Variants in COL10A1 observed in about 807,000 individuals in gnomAD.
COL10A1 encodes the protein collagen type X alpha 1 chain, also known as collagen alpha-1(X) chain.
In COL10A1, 10 loss-of-function variants were observed where a neutral mutation model predicts 18.2. The ratio of observed to expected loss-of-function variants is 0.55; its 90% CI spans 0.34 to 0.93. The LOEUF (loss-of-function observed/expected upper bound fraction) is 0.93, where lower values mean the gene tolerates loss of function less well. COL10A1 is among the 40% of genes least tolerant of loss of function. The pLI, the probability that COL10A1 is intolerant of heterozygous loss-of-function variation, is 0.02. For missense variants in COL10A1, 897 were observed against 853.5 expected, an observed-to-expected ratio of 1.05 and a Z score of -0.64; for synonymous variants, 330 against 316.6, an observed-to-expected ratio of 1.04 and a Z score of -0.45.
chr6:116,125,242 A>G, intron 2 of COL10A1, 97 bp downstream of exon 2: 1 of 1,402,428 alleles, frequency 7.1e-7, no homozygotes, highest in South Asian at 1.3e-5. Flanking sequence ...GTTGGAAAGT[A>G]ACACCAAAGT....
intron 1 of COL10A1, among the ~76,000 whole-genome samples, chr6:116,139,376 G>A (rs759234986): frequency 1.3e-5 from 2 of 152,084 alleles, no homozygotes; most frequent in Non-Finnish European, 2.9e-5. Flanking sequence ...GAATAATACA[G>A]TCTAAAGCTG....
chr6:116,147,606 A>G (rs1241905341), intron 1 of COL10A1, among the ~76,000 whole-genome samples: 1 of 152,230 alleles, frequency 6.6e-6, no homozygotes, highest in Non-Finnish European at 1.5e-5. Context: ...AAAGAATTAT[A>G]AATGGCCTTA....
At chr6:116,180,228 A>G in the COL10A1 span, among the ~76,000 whole-genome samples, 1 of 152,072 alleles carries the variant, frequency 6.6e-6, no homozygotes, top group Admixed American at 6.6e-5. Context: ...GTTGTGTCTC[A>G]TTTTTCAACG....
the COL10A1 span, among the ~76,000 whole-genome samples, chr6:116,208,062 G>A: frequency 8.5e-5 from 13 of 152,058 alleles, no homozygotes; most frequent in African/African-American, 3.1e-4. Context: ...GAGCACTTCA[G>A]TCCTCAGTGT....
intron 2 of COL10A1, among the ~76,000 whole-genome samples, chr6:116,124,109 A>G (rs370965799): frequency 1.5e-4 from 23 of 152,212 alleles, no homozygotes; most frequent in African/African-American, 5.3e-4. Context: ...TATCTGTTGT[A>G]TACCTGTGCA....
chr6:116,130,791 A>G (rs1428135731), upstream of COL10A1, among the ~76,000 whole-genome samples: 1 of 152,074 alleles, frequency 6.6e-6, no homozygotes, highest in African/African-American at 2.4e-5. Flanking sequence ...CCTAGTACTC[A>G]TGCCAGTAAT....
chr6:116,182,487 G>C, the COL10A1 span, among the ~76,000 whole-genome samples: 2 of 152,098 alleles, frequency 1.3e-5, no homozygotes, highest in South Asian at 4.1e-4. Flanking sequence ...GGTTGTACTA[G>C]TTTACATACC....
chr6:116,153,479 A>T (rs190944959), intron 1 of COL10A1, among the ~76,000 whole-genome samples: 1 of 152,112 alleles, frequency 6.6e-6, no homozygotes, highest in Non-Finnish European at 1.5e-5. Context: ...ATAGAAGATA[A>T]TATGCCATTT....
the COL10A1 span, among the ~76,000 whole-genome samples, chr6:116,185,140 A>G: frequency 6.6e-6 from 1 of 152,042 alleles, no homozygotes; most frequent in African/African-American, 2.4e-5. Context: ...TTCAGGAGCA[A>G]GTTATTTAAT....
At chr6:116,195,717 A>G in the COL10A1 span, among the ~76,000 whole-genome samples, 8 of 152,156 alleles carry the variant, frequency 5.3e-5, no homozygotes, top group South Asian at 1.7e-3. Context: ...TTAGCTAAAT[A>G]TATTCATTAA....
chr6:116,131,137 G>A (rs1383933903), intron 1 of COL10A1, among the ~76,000 whole-genome samples: 1 of 152,170 alleles, frequency 6.6e-6, no homozygotes, highest in East Asian at 1.9e-4. Flanking sequence ...ACCTGAGGGT[G>A]AAGGAGATGT....
the COL10A1 span, among the ~76,000 whole-genome samples, chr6:116,177,165 G>T: frequency 6.6e-6 from 1 of 152,216 alleles, no homozygotes; most frequent in Admixed American, 6.5e-5. Flanking sequence ...TAAGTCTTTT[G>T]TTACTTGAGC....
Position 116,120,986 on chromosome 6 carries a change from C to G in COL10A1, c.1130G>C (p.Gly377Ala). The change falls in exon 3 of 3, where the codon GGT becomes GCT. Residue 377 changes from glycine to alanine, a missense_variant. Transcript: ENST00000651968. ...AGPAGYPGAK[G>A]ERGSPGSDGK... Reference sequence around the variant, plus strand: ...ATCTGACCCAGGGGAACCCCTTTCACCCTTAGCCCCAGGGTATCCTGCAGG... The same window carrying G: ...ATCTGACCCAGGGGAACCCCTTTCAGCCTTAGCCCCAGGGTATCCTGCAGG... 6.2e-7 allele frequency: 1 copy of G among 1,614,002 alleles called. No individual in the cohort carries two copies. Among genetic ancestry groups the G allele is most frequent in the African/African-American group, 1.3e-5 (1 of 75,034 alleles).
the COL10A1 span, among the ~76,000 whole-genome samples, chr6:116,183,267 G>C: frequency 6.6e-6 from 1 of 152,174 alleles, no homozygotes; most frequent in Non-Finnish European, 1.5e-5. Context: ...TGCTGTTTTG[G>C]TGATTATGGC....
upstream of COL10A1, among the ~76,000 whole-genome samples, chr6:116,127,241 T>C (rs1779340219): frequency 6.6e-6 from 1 of 152,106 alleles, no homozygotes; most frequent in Non-Finnish European, 1.5e-5. Context: ...AACTAAAGAT[T>C]TGTCCTTTTT....
upstream of COL10A1, among the ~76,000 whole-genome samples, chr6:116,126,477 TATATA>T (rs1779315697): frequency 6.6e-6 from 1 of 152,190 alleles, no homozygotes; most frequent in South Asian, 2.1e-4. Flanking sequence ...TGGTTGATAT[TATATA>T]ATATGTGGTA....
chr6:116,120,513 A>G lies in COL10A1; in HGVS notation c.1603T>C (p.Ser535Pro). 6.2e-7 allele frequency: 1 copy of G among 1,614,216 alleles called. No homozygotes were observed. The highest frequency in any genetic ancestry group is 8.5e-7 in the Non-Finnish European group (1 of 1,180,030). The change falls in exon 3 of 3, where the codon TCT (serine) becomes CCT (proline). Residue 535 changes from serine (S) to proline (P), a missense_variant. Physicochemically the swap from Ser to Pro is moderately conservative, Grantham distance 74. Coordinates refer to ENST00000651968, the MANE Select transcript of COL10A1 (RefSeq NM_000493.4). ...FIKAGQRPSL[S>P]GTPLVSANQG... Reference sequence around the variant, plus strand: ...TTGGCACTAACAAGAGGGGTCCCAGAAAGACTGGGCCTTTGGCCTGCCTTT... The same window carrying G: ...TTGGCACTAACAAGAGGGGTCCCAGGAAGACTGGGCCTTTGGCCTGCCTTT...
chr6:116,197,359 G>A, the COL10A1 span, among the ~76,000 whole-genome samples: 5 of 152,076 alleles, frequency 3.3e-5, 1 homozygote, highest in South Asian at 1.0e-3. Context: ...AAAAGTCCTT[G>A]ATTCTCTGCT....
At chr6:116,145,886 G>T (rs1779886495) in intron 1 of COL10A1, among the ~76,000 whole-genome samples, 1 of 152,140 alleles carries the variant, frequency 6.6e-6, no homozygotes, top group Admixed American at 6.5e-5. Context: ...TTTATGTGAT[G>T]GTATTTGAGA....
Sources: allele counts gnomAD v4.1 joint callset (sites outside exome capture counted in the v4.1 genomes callset), GRCh38; gene constraint gnomAD v4.1.1; transcripts MANE v1.5; gene names NCBI Gene and HGNC (gene_info 2026-07-23, HGNC 2026-07-21).